Variants in ITSN2 observed in about 807,000 individuals in gnomAD.
ITSN2 encodes intersectin 2.
A neutral mutation model predicts 243.7 loss-of-function variants in ITSN2; 156 were observed. The ratio of observed to expected loss-of-function variants is 0.64; its 90% confidence interval spans 0.56 to 0.73. ITSN2 has a LOEUF of 0.73. ITSN2 is among the 30% of genes least tolerant of loss of function. The pLI, the probability that ITSN2 is intolerant of heterozygous loss-of-function variation, is 0.00. For missense variants in ITSN2, 1,801 were observed against 1,996.1 expected, an observed-to-expected ratio of 0.90 and a Z score of 1.86; for synonymous variants, 703 against 699.9, an observed-to-expected ratio of 1.00 and a Z score of -0.07.
At position 24,317,385 on chromosome 2, in the gene ITSN2, C is replaced by CAAAA. The variant is rs780304772; in HGVS notation, c.32-2165_32-2162dup. Among the ~76,000 whole-genome samples, 9 of 113,500 alleles carry CAAAA rather than the reference C, an allele frequency of 7.9e-5. 1 individual carries two copies. Among genetic ancestry groups the CAAAA allele is most frequent in the African/African-American group, 2.9e-4 (9 of 30,914 alleles). 74.5% of individuals were successfully genotyped at this position (113,500 alleles called of 152,430 possible). On this transcript the variant is annotated intron_variant, in intron 2 of 39. Transcript: ENST00000355123. ...CGCCGACAAGGGCAAGACGCAATCT[C>CAAAA]AAAAAAAAAAAAAAAGCGGCAACTA...
At chr2:24,268,017 A>T (rs1460366433) in intron 20 of ITSN2, among the ~76,000 whole-genome samples, 1 of 152,206 alleles carries the variant, frequency 6.6e-6, no homozygotes, top group Non-Finnish European at 1.5e-5. Flanking sequence ...GTTGTAATTA[A>T]TTTTTAGTTG....
At chr2:24,312,017 T>A (rs933442449) in intron 5 of ITSN2, among the ~76,000 whole-genome samples, 195 bp downstream of exon 5, 1 of 152,194 alleles carries the variant, frequency 6.6e-6, no homozygotes, top group Admixed American at 6.5e-5. Flanking sequence ...AAATCAGAAC[T>A]GTCCCTAGAA....
intron 20 of ITSN2, among the ~76,000 whole-genome samples, chr2:24,267,778 A>G (rs1676853009): frequency 6.6e-6 from 1 of 152,100 alleles, no homozygotes; most frequent in Non-Finnish European, 1.5e-5. Flanking sequence ...GCTGGTCTCT[A>G]ACGCCAGTAC....
At chr2:24,291,377 C>T in intron 15 of ITSN2, among the ~76,000 whole-genome samples, 1 of 152,204 alleles carries the variant, frequency 6.6e-6, no homozygotes, top group East Asian at 1.9e-4. Context: ...GATCTGCCCA[C>T]CTCAGCACCC....
At chr2:24,283,596 T>C (rs1372671395) in intron 17 of ITSN2, among the ~76,000 whole-genome samples, 1 of 152,252 alleles carries the variant, frequency 6.6e-6, no homozygotes, top group Non-Finnish European at 1.5e-5. Context: ...ACCTCTTTTC[T>C]TGCTTTCTGT....
At chr2:24,341,309 G>A (rs866610704) in intron 1 of ITSN2, among the ~76,000 whole-genome samples, 21 of 152,126 alleles carry the variant, frequency 1.4e-4, no homozygotes, top group African/African-American at 3.6e-4. Context: ...CCCAGATTTC[G>A]TAGTCATTAG....
intron 1 of ITSN2, chr2:24,330,495 C>T: frequency 2.9e-6 from 2 of 693,414 alleles, no homozygotes; most frequent in Non-Finnish European, 5.4e-6. Flanking sequence ...GTCTGCTAAA[C>T]CTGCTCCTCC....
At chr2:24,213,657 A>G (rs1236670928) in intron 32 of ITSN2, among the ~76,000 whole-genome samples, 1 of 152,192 alleles carries the variant, frequency 6.6e-6, no homozygotes, top group Non-Finnish European at 1.5e-5. Flanking sequence ...ATGAGGCAGT[A>G]TTTTTATTTA....
At chr2:24,359,108 A>C (rs1047812550) in intron 1 of ITSN2, among the ~76,000 whole-genome samples, 2 of 152,258 alleles carry the variant, frequency 1.3e-5, no homozygotes, top group Non-Finnish European at 2.9e-5. Context: ...AAAGGAAAAC[A>C]CATCAGAGTT....
At chr2:24,298,954 T>A in intron 12 of ITSN2, 140 bp from the exon 13 acceptor site, 1 of 611,378 alleles carries the variant, frequency 1.6e-6, no homozygotes. Flanking sequence ...GCAAATCTAG[T>A]TTTATTAATG....
chr2:24,227,188 G>A (rs1671113687), intron 29 of ITSN2, among the ~76,000 whole-genome samples: 1 of 151,838 alleles, frequency 6.6e-6, no homozygotes, highest in Admixed American at 6.6e-5. Flanking sequence ...AGGGTGACTG[G>A]CCAAAGGAAT....
At chr2:24,238,672 C>A (rs1672422818) in intron 29 of ITSN2, among the ~76,000 whole-genome samples, 1 of 152,162 alleles carries the variant, frequency 6.6e-6, no homozygotes, top group Admixed American at 6.5e-5. Flanking sequence ...GTTTTCCTTA[C>A]TTTTGTGAGC....
intron 34 of ITSN2, 32 bp downstream of exon 34, chr2:24,210,737 AGAGCCTCCCTG>A (rs1182085788): frequency 6.3e-7 from 1 of 1,581,388 alleles, no homozygotes; most frequent in Non-Finnish European, 8.6e-7. Flanking sequence ...TTCCCCACCC[AGAGCCTCCCTG>A]GAGGCGCACG....
At chr2:24,351,818 G>C (rs139831266) in intron 1 of ITSN2, among the ~76,000 whole-genome samples, 1 of 152,118 alleles carries the variant, frequency 6.6e-6, no homozygotes, top group Non-Finnish European at 1.5e-5. Context: ...TTGTGTTCAA[G>C]TAACCCTTAT....
At chr2:24,275,648 G>T (rs1677914520) in intron 18 of ITSN2, 65 bp downstream of exon 18, 2 of 1,317,762 alleles carry the variant, frequency 1.5e-6, no homozygotes, top group Admixed American at 2.1e-5. Context: ...ATAAACTAAA[G>T]ATATGAGCAA....
At chr2:24,326,696 C>G (rs1332560717) in intron 2 of ITSN2, 1 of 168,982 alleles carries the variant, frequency 5.9e-6, no homozygotes, top group Admixed American at 6.5e-5. Context: ...AAAGGTAAAA[C>G]ACGAAACAAC....
In ITSN2 at chr2:24,225,461, C is replaced by A. The variant is rs915010975; in HGVS notation, c.3578-4395G>T. On this transcript the variant is annotated intron_variant, in intron 29 of 39. Coordinates refer to ENST00000355123, the MANE Select transcript of ITSN2 (RefSeq NM_006277.3). This position sits in a 1 kb window ranked among gnomAD's most constrained non-coding sequence, Gnocchi z 4.2. ...ACCTTGGCATTGCCAAGTTCAGTGA[C>A]CTCTTCTGAGCTTGCACCCTCCCCT... Among the ~76,000 whole-genome samples the A allele has an allele frequency of 6.6e-6, 1 of 152,210 alleles. No individual in the cohort carries two copies. Among genetic ancestry groups the A allele is most frequent in the Admixed American group, 6.5e-5 (1 of 15,288 alleles).
chr2:24,290,116 C>T (rs1680064988), intron 15 of ITSN2, among the ~76,000 whole-genome samples: 1 of 152,104 alleles, frequency 6.6e-6, no homozygotes, highest in African/African-American at 2.4e-5. Flanking sequence ...TGTTAATGCA[C>T]ACTTTAAATT....
In ITSN2 at chr2:24,273,097, C is replaced by T. The variant is rs549169584; in HGVS notation, c.2082-1156G>A. 2.6e-5 allele frequency among the ~76,000 whole-genome samples: 4 copies of T among 152,346 alleles called. No individual in the cohort carries two copies. In the South Asian group the frequency reaches 8.3e-4, roughly 32 times the overall value. On this transcript the variant is annotated intron_variant, in intron 18 of 39. Coordinates refer to ENST00000355123, the MANE Select transcript of ITSN2 (RefSeq NM_006277.3). Reference sequence around the variant, plus strand: ...AAGTGGGAACCTTGGCATAATTCCACATCTCTATTCCTTAATTCCTGAAGG... The same window carrying T: ...AAGTGGGAACCTTGGCATAATTCCATATCTCTATTCCTTAATTCCTGAAGG...
Sources: gnomAD v4.1 joint callset for allele counts (sites outside exome capture counted in the v4.1 genomes callset) on GRCh38, gnomAD v4.1.1 for gene constraint, Gnocchi (gnomAD v3.1) non-coding constraint, MANE v1.5 for transcripts, NCBI Gene and HGNC (gene_info 2026-07-23, HGNC 2026-07-21) for gene names.